The following PDE4D variants were observed in gnomAD, a reference collection of about 807,000 sequenced individuals.
PDE4D encodes the protein 3',5'-cyclic-AMP phosphodiesterase 4D.
In PDE4D, 24 loss-of-function variants were observed where a neutral mutation model predicts 87.4. That is an observed-to-expected ratio of 0.27 (90% CI 0.20 to 0.39). The LOEUF (loss-of-function observed/expected upper bound fraction) is 0.39, where lower values mean the gene tolerates loss of function less well. Ranked by LOEUF, PDE4D falls within the 10% of genes least tolerant of loss-of-function variation. PDE4D has a pLI of 1.00. For missense variants in PDE4D, 714 were observed against 1,041.0 expected (o/e 0.69, Z 4.32); for synonymous variants, 384 against 383.2 (o/e 1.00, Z -0.02).
At chr5:59,698,667 A>G (rs2150439678) in intron 1 of PDE4D, among the ~76,000 whole-genome samples, 1 of 152,274 alleles carries the variant, frequency 6.6e-6, no homozygotes, top group South Asian at 2.1e-4. Flanking sequence ...AAGAAATGGA[A>G]TTTGCGTGAC....
chr5:60,189,516 G>A (rs71627991), intron 1 of PDE4D, among the ~76,000 whole-genome samples: 3,980 of 152,088 alleles, frequency 0.026, 67 homozygotes, highest in Middle Eastern at 0.048. Flanking sequence ...AAAAATTTCC[G>A]GGGACTTTAA....
At chr5:59,768,938 C>G (rs1363743238) in intron 1 of PDE4D, among the ~76,000 whole-genome samples, 2 of 152,180 alleles carry the variant, frequency 1.3e-5, no homozygotes, top group Non-Finnish European at 2.9e-5. Flanking sequence ...GGTTGTTTGG[C>G]TAGTCTTTCC....
At chr5:60,170,087 A>G (rs753915617) in intron 2 of PDE4D, among the ~76,000 whole-genome samples, 7 of 152,038 alleles carry the variant, frequency 4.6e-5, no homozygotes, top group Non-Finnish European at 8.8e-5. Context: ...ATTTGGATTA[A>G]GTATTATAAT....
At chr5:59,477,683 G>C (rs1803534330) in intron 1 of PDE4D, among the ~76,000 whole-genome samples, 1 of 152,050 alleles carries the variant, frequency 6.6e-6, no homozygotes, top group Admixed American at 6.6e-5. Flanking sequence ...ATTCAACCTA[G>C]CAATCCCATT....
intron 5 of PDE4D, among the ~76,000 whole-genome samples, chr5:59,171,898 G>T (rs1782849538): frequency 8.4e-6 from 1 of 118,796 alleles, no homozygotes; most frequent in African/African-American, 3.5e-5. Flanking sequence ...TATATAATAA[G>T]CATATATATG....
intron 2 of PDE4D, among the ~76,000 whole-genome samples, chr5:60,076,281 C>T (rs1773286600): frequency 6.6e-6 from 1 of 152,096 alleles, no homozygotes; most frequent in Non-Finnish European, 1.5e-5. Flanking sequence ...GCCTCAGCCT[C>T]CCGAGTAGCT....
chr5:59,013,857 A>G (rs1378383725), intron 6 of PDE4D, among the ~76,000 whole-genome samples: 1 of 152,248 alleles, frequency 6.6e-6, no homozygotes, highest in Non-Finnish European at 1.5e-5. Flanking sequence ...AGAGAATTTT[A>G]GACCAACATC....
At chr5:59,297,410 T>C (rs11744761) in intron 1 of PDE4D, among the ~76,000 whole-genome samples, 61,360 of 151,982 alleles carry the variant, frequency 0.4, 12,900 homozygotes, top group Admixed American at 0.5. Flanking sequence ...TAAATACTTA[T>C]GGGTCCTTGT....
chr5:59,176,365 T>C (rs1402261806), intron 5 of PDE4D, among the ~76,000 whole-genome samples: 11 of 152,166 alleles, frequency 7.2e-5, no homozygotes, highest in Admixed American at 3.9e-4. Context: ...CCATCCTGGC[T>C]AACACAGTGA....
intron 3 of PDE4D, among the ~76,000 whole-genome samples, chr5:59,932,945 C>A (rs981415734): frequency 7.4e-6 from 1 of 134,390 alleles, no homozygotes; most frequent in East Asian, 2.8e-4. Context: ...GAGCAGCTAA[C>A]CCTTTAGAAA....
rs1743166335 is a variant in PDE4D at position 58,974,223 on chromosome 5, A to G, written c.*441T>C. The G allele has an allele frequency of 6.5e-6, 1 of 153,160 alleles. No individual in the cohort carries two copies. The highest frequency in any genetic ancestry group is 1.5e-5 in the Non-Finnish European group (1 of 68,738). 9.5% of individuals were successfully genotyped at this position (153,160 alleles called of 1,614,324 possible). A position where few individuals can be genotyped will look rare whatever the true frequency, so the allele number is the denominator to read the frequency against. On this transcript the variant is annotated 3_prime_UTR_variant, in exon 15 of 15. Coordinates refer to ENST00000340635, the MANE Select transcript of PDE4D (RefSeq NM_001104631.2). The stretch of plus-strand genomic sequence containing the variant: ...CTCATCCTCCTCCTACTGGTAACAG[A>G]TTCGTGCTATGTCCTGTTCTTGACA...
chr5:58,974,727 T>TA lies in PDE4D; in HGVS notation c.2366dup (p.Gly790ArgfsTer9), dbSNP rs1743281931. The TA allele has an allele frequency of 6.2e-7, 1 of 1,612,992 alleles. No individual in the cohort carries two copies. The highest frequency in any genetic ancestry group is 8.5e-7 in the Non-Finnish European group (1 of 1,179,340). On this transcript the variant is annotated frameshift_variant, in exon 15 of 15. Transcript: ENST00000340635. LOFTEE classifies it high-confidence loss of function. ...CAGGCTGGCTTTCCTCTTCTTCCCC[T>TA]ACTGCCTCCTCTTCAACCTGTTCAT...
chr5:60,348,458 A>T (rs939037232), intron 1 of PDE4D, among the ~76,000 whole-genome samples: 1 of 152,112 alleles, frequency 6.6e-6, no homozygotes, highest in Non-Finnish European at 1.5e-5. Context: ...TTTAAAAAAA[A>T]CTCAAGTATG....
chr5:60,113,716 T>C (rs1323481291), intron 2 of PDE4D, among the ~76,000 whole-genome samples: 1 of 152,140 alleles, frequency 6.6e-6, no homozygotes, highest in Non-Finnish European at 1.5e-5. Context: ...CCAGAGACCT[T>C]GCCATAACAA....
intron 1 of PDE4D, among the ~76,000 whole-genome samples, chr5:59,422,491 T>C (rs1794627755): frequency 6.6e-6 from 1 of 152,212 alleles, no homozygotes; most frequent in Non-Finnish European, 1.5e-5. Flanking sequence ...ATTCGCCACT[T>C]CATTTATCAT....
chr5:59,617,643 G>A (rs1351829077), intron 1 of PDE4D, among the ~76,000 whole-genome samples: 1 of 152,180 alleles, frequency 6.6e-6, no homozygotes, highest in Admixed American at 6.5e-5. Flanking sequence ...GTGAAGACTG[G>A]ATGGATGCTG....
chr5:59,974,649 C>T (rs1490395482), intron 3 of PDE4D, among the ~76,000 whole-genome samples: 1 of 152,204 alleles, frequency 6.6e-6, no homozygotes, highest in Non-Finnish European at 1.5e-5. Context: ...CCTGGTTTAA[C>T]ACCCATCAGT....
At chr5:60,221,554 A>G (rs1476547200) in intron 1 of PDE4D, among the ~76,000 whole-genome samples, 3 of 152,070 alleles carry the variant, frequency 2.0e-5, no homozygotes, top group Non-Finnish European at 4.4e-5. Flanking sequence ...TGATTTTGAT[A>G]AATTTGATGG....
At chr5:59,565,672 C>T (rs578151880) in intron 1 of PDE4D, among the ~76,000 whole-genome samples, 3 of 152,190 alleles carry the variant, frequency 2.0e-5, no homozygotes, top group Admixed American at 6.5e-5. Flanking sequence ...ACCTGATGCT[C>T]CTTGGCTTCA....
Sources: allele counts gnomAD v4.1 joint callset (sites outside exome capture counted in the v4.1 genomes callset), GRCh38; gene constraint gnomAD v4.1.1; transcripts MANE v1.5; gene names NCBI Gene and HGNC (gene_info 2026-07-23, HGNC 2026-07-21).